Variants in TLN2 observed in about 807,000 individuals in gnomAD.
TLN2 encodes the protein talin 2, also known as talin-2.
Under a neutral mutation model 294.7 loss-of-function variants are expected in TLN2, and 118 were observed. The ratio of observed to expected loss-of-function variants is 0.40; its 90% CI spans 0.34 to 0.47. The LOEUF (loss-of-function observed/expected upper bound fraction) is 0.47, where lower values mean the gene tolerates loss of function less well. Among genes scored for constraint, TLN2 ranks in the 20% least tolerant of loss-of-function variants. TLN2 has a pLI of 0.84. For synonymous variants in TLN2, 1,431 were observed against 1,304.5 expected (o/e 1.10, Z -2.09); for missense variants, 3,083 against 3,282.2 (o/e 0.94, Z 1.48).
chr15:62,429,007 G>C (rs1343210832), intron 1 of TLN2, among the ~76,000 whole-genome samples: 1 of 151,998 alleles, frequency 6.6e-6, no homozygotes, highest in African/African-American at 2.4e-5. Flanking sequence ...AAGCTTCTCT[G>C]GGGGAGACAG....
At chr15:62,805,823 T>A in intron 51 of TLN2, 38 bp downstream of exon 51, 1 of 1,591,384 alleles carries the variant, frequency 6.3e-7, no homozygotes, top group Non-Finnish European at 8.6e-7. Flanking sequence ...GACAGATGAT[T>A]CTCTGTCGTG....
intron 1 of TLN2, among the ~76,000 whole-genome samples, chr15:62,431,480 T>C (rs1398297375): frequency 6.6e-6 from 1 of 152,206 alleles, no homozygotes; most frequent in African/African-American, 2.4e-5. Flanking sequence ...ACATATGTCA[T>C]ATCCCGAAGT....
At chr15:62,478,975 A>G (rs2037934595) in intron 1 of TLN2, among the ~76,000 whole-genome samples, 1 of 152,194 alleles carries the variant, frequency 6.6e-6, no homozygotes, top group Non-Finnish European at 1.5e-5. Flanking sequence ...TGTTTTAGGC[A>G]ATGGCAGATG....
At chr15:62,396,133 C>T (rs1486539932) in intron 1 of TLN2, among the ~76,000 whole-genome samples, 2 of 152,106 alleles carry the variant, frequency 1.3e-5, no homozygotes, top group African/African-American at 4.8e-5. Context: ...TGTGCCTGGC[C>T]TTATTTCTGA....
At chr15:62,785,444 T>C (rs2064557920) in intron 45 of TLN2, among the ~76,000 whole-genome samples, 1 of 151,950 alleles carries the variant, frequency 6.6e-6, no homozygotes, top group Admixed American at 6.6e-5. Context: ...GACAGATCAC[T>C]TGAGGTTAGG....
chr15:62,740,599 C>G (rs1333844353), intron 31 of TLN2, 31 bp from the exon 32 acceptor site: 1 of 1,613,522 alleles, frequency 6.2e-7, no homozygotes, highest in East Asian at 2.2e-5. Flanking sequence ...TGGACAGGCC[C>G]TAATAGCTCC....
chr15:62,763,615 C>A lies in TLN2; in HGVS notation c.5014C>A (p.Arg1672=), dbSNP rs373058762. 5.6e-6 allele frequency: 9 copies of A among 1,613,724 alleles called. No individual in the cohort carries two copies. The highest frequency in any genetic ancestry group is 7.6e-6 in the Non-Finnish European group (9 of 1,179,890). ...TGATTACTCCATCGATGGCATCAACCGGTGCATCCGGGACATCGAGCAGGC... is the reference window on the plus strand; with the variant it reads ...TGATTACTCCATCGATGGCATCAACAGGTGCATCCGGGACATCGAGCAGGC... ...ECDYSIDGIN[R]CIRDIEQASL... The change falls in exon 40 of 59, where the codon CGG becomes AGG. Residue 1672 remains arginine (R), a synonymous_variant. Transcript: ENST00000636159.
chr15:62,607,274 C>T (rs1400126405), intron 2 of TLN2, among the ~76,000 whole-genome samples: 1 of 152,164 alleles, frequency 6.6e-6, no homozygotes, highest in Non-Finnish European at 1.5e-5. Context: ...TGGTAGCTTT[C>T]TATTTGTCAT....
intron 1 of TLN2, among the ~76,000 whole-genome samples, chr15:62,588,927 C>T (rs1216805596): frequency 6.6e-6 from 1 of 150,966 alleles, no homozygotes; most frequent in Non-Finnish European, 1.5e-5. Context: ...TTTATTCTTC[C>T]ATAAGTAGGG....
At chr15:62,493,892 T>C (rs2038880375) in intron 1 of TLN2, among the ~76,000 whole-genome samples, 1 of 152,026 alleles carries the variant, frequency 6.6e-6, no homozygotes, top group African/African-American at 2.4e-5. Context: ...ATTATAGGTG[T>C]GAGCCACCAT....
intron 11 of TLN2, among the ~76,000 whole-genome samples, chr15:62,682,385 T>C (rs1396362346): frequency 6.6e-6 from 1 of 152,240 alleles, no homozygotes; most frequent in Non-Finnish European, 1.5e-5. Flanking sequence ...GGCCATAGTT[T>C]ACCCACCTCC....
At chr15:62,794,327 T>C (rs901037075) in intron 46 of TLN2, among the ~76,000 whole-genome samples, 5 of 152,330 alleles carry the variant, frequency 3.3e-5, no homozygotes, top group Middle Eastern at 3.4e-3. Context: ...TGTCTCGTTA[T>C]ATGCCTTGAT....
In TLN2 at chr15:62,588,095, TG is replaced by T. The variant is rs1394023204; in HGVS notation, c.-237-1590del. Among the ~76,000 whole-genome samples the T allele has an allele frequency of 3.9e-5, 6 of 152,198 alleles. 1 individual carries two copies. In the South Asian group the frequency reaches 1.2e-3, roughly 32 times the overall value. The stretch of plus-strand genomic sequence containing the variant: ...CAGGGTTTCACCGTGTTAGCCAGGA[TG>T]GTCTCGATATCCTGACCTCGTGATC... On this transcript the variant is annotated intron_variant, in intron 1 of 58. Transcript: ENST00000636159.
chr15:62,727,250 A>C, intron 28 of TLN2, 61 bp downstream of exon 28: 1 of 1,430,594 alleles, frequency 7.0e-7, no homozygotes, highest in South Asian at 1.2e-5. Context: ...GTAGTGGGGG[A>C]GGAGGAGGAG....
chr15:62,447,184 T>TTTATTTATTTAA (rs1369075863), intron 1 of TLN2, among the ~76,000 whole-genome samples: 2,514 of 151,722 alleles, frequency 0.017, 61 homozygotes, highest in African/African-American at 0.058. Flanking sequence ...TATTTATTTA[T>TTTATTTATTTAA]TTAATTAGGA....
At chr15:62,580,224 A>C (rs2044810398) in intron 1 of TLN2, among the ~76,000 whole-genome samples, 1 of 152,202 alleles carries the variant, frequency 6.6e-6, no homozygotes, top group African/African-American at 2.4e-5. Context: ...TGGGTTTACA[A>C]CAAAATTGAG....
At chr15:62,726,518 C>T (rs767685177) in intron 27 of TLN2, among the ~76,000 whole-genome samples, 21 of 152,224 alleles carry the variant, frequency 1.4e-4, no homozygotes, top group Non-Finnish European at 2.6e-4. Flanking sequence ...AGCACTGTGC[C>T]CATTTTCATA....
chr15:62,605,855 A>G (rs959380675), intron 2 of TLN2, among the ~76,000 whole-genome samples: 7 of 152,220 alleles, frequency 4.6e-5, no homozygotes, highest in Admixed American at 1.3e-4. Context: ...TACCCTTCCC[A>G]TCTTCACGAA....
intron 1 of TLN2, among the ~76,000 whole-genome samples, chr15:62,578,924 T>G (rs1596219337): frequency 6.6e-6 from 1 of 152,200 alleles, no homozygotes; most frequent in East Asian, 1.9e-4. Context: ...CTTAGCACCC[T>G]ATGTTGTGGA....
Sources: gnomAD v4.1 joint callset for allele counts (sites outside exome capture counted in the v4.1 genomes callset) on GRCh38, gnomAD v4.1.1 for gene constraint, MANE v1.5 for transcripts, NCBI Gene and HGNC (gene_info 2026-07-23, HGNC 2026-07-21) for gene names.